Variants in NARS2 observed in about 807,000 individuals in gnomAD.
NARS2 encodes asparaginyl-tRNA synthetase 2, mitochondrial.
In NARS2, 60 loss-of-function variants were observed where a neutral mutation model predicts 62.9. That is an observed-to-expected ratio of 0.95 (90% confidence interval 0.77 to 1.18). The LOEUF is 1.18. Ranked by LOEUF, NARS2 falls within the 50% of genes most tolerant of loss-of-function variation. The pLI, the probability that NARS2 is intolerant of heterozygous loss-of-function variation, is 0.00. For missense variants in NARS2, 619 were observed against 576.4 expected (o/e 1.07, Z -0.76); for synonymous variants, 196 against 200.0 (o/e 0.98, Z 0.17).
chr11:78,502,312 G>A lies in NARS2; in HGVS notation c.690-9117C>T, dbSNP rs117883617. On this transcript the variant is annotated intron_variant, in intron 6 of 13. Coordinates refer to ENST00000281038, the MANE Select transcript of NARS2 (RefSeq NM_024678.6). Reference sequence around the variant, plus strand: ...AAAGTGACAGCAGGGTTGGTTTCTGGTGAAGCCTCTCTTTCTGGTTTGCTG... The same window carrying A: ...AAAGTGACAGCAGGGTTGGTTTCTGATGAAGCCTCTCTTTCTGGTTTGCTG... Among the ~76,000 whole-genome samples, 1,049 of 152,308 alleles carry A rather than the reference G, an allele frequency of 6.9e-3. 6 individuals are homozygous for A. Among genetic ancestry groups the A allele is most frequent in the Admixed American group, 0.01 (155 of 15,308 alleles).
intron 6 of NARS2, among the ~76,000 whole-genome samples, chr11:78,515,433 T>C (rs1267288131): frequency 6.6e-6 from 1 of 152,202 alleles, no homozygotes; most frequent in Non-Finnish European, 1.5e-5. Flanking sequence ...TTGGAGTTTC[T>C]TTTTGGAGTG....
chr11:78,483,564 C>T (rs1859447710), intron 7 of NARS2, among the ~76,000 whole-genome samples: 1 of 152,084 alleles, frequency 6.6e-6, no homozygotes. Flanking sequence ...AATCAATGTG[C>T]AAAAATCACA....
intron 6 of NARS2, among the ~76,000 whole-genome samples, chr11:78,519,761 C>CACGA (rs760180216): frequency 5.3e-5 from 8 of 150,990 alleles, no homozygotes; most frequent in Admixed American, 1.3e-4. Context: ...AGTGCAGTGG[C>CACGA]ACGATCTCAG....
rs571283850 is a variant in NARS2, at chr11:78,467,121, T to C, written c.1027-1108A>G. ...ACAAAGGTTAACATTATCTTATTAC[T>C]ACCACTTGTTTGGCAGTATCTTAGT... On this transcript the variant is annotated intron_variant, in intron 10 of 13. Transcript: ENST00000281038. Among the ~76,000 whole-genome samples the C allele has an allele frequency of 1.8e-3, 281 of 152,342 alleles. 1 individual carries two copies. The highest frequency in any genetic ancestry group is 6.5e-3 in the African/African-American group (270 of 41,586).
chr11:78,556,173 G>A (rs903407266), intron 5 of NARS2, among the ~76,000 whole-genome samples: 1 of 152,042 alleles, frequency 6.6e-6, no homozygotes, highest in African/African-American at 2.4e-5. Flanking sequence ...TTAATTATCT[G>A]ATTCTTCTTA....
chr11:78,532,815 T>C (rs1565263506), intron 5 of NARS2, among the ~76,000 whole-genome samples: 1 of 152,306 alleles, frequency 6.6e-6, no homozygotes, highest in African/African-American at 2.4e-5. Context: ...TAAATATATC[T>C]TTCCTGAAAA....
chr11:78,574,863 A>G lies in NARS2; in HGVS notation c.-375T>C. 4.7e-6 allele frequency: 1 copy of G among 210,904 alleles called. No individual in the cohort carries two copies. Among genetic ancestry groups the G allele is most frequent in the South Asian group, 7.9e-5 (1 of 12,726 alleles). 13.1% of individuals were successfully genotyped at this position (210,904 alleles called of 1,614,324 possible). Reference sequence around the variant, plus strand: ...CCAACGCCGCTTACGTCATCACGCTACGGGGAAGAAGGGAGAGCATGCGTA... The same window carrying G: ...CCAACGCCGCTTACGTCATCACGCTGCGGGGAAGAAGGGAGAGCATGCGTA... On this transcript the variant is annotated 5_prime_UTR_variant, in exon 1 of 14. Coordinates refer to ENST00000281038, the MANE Select transcript of NARS2 (RefSeq NM_024678.6).
chr11:78,557,230 A>G (rs1590861588), intron 5 of NARS2, among the ~76,000 whole-genome samples: 1 of 152,356 alleles, frequency 6.6e-6, no homozygotes, highest in Middle Eastern at 3.4e-3. Context: ...CTTTAAATGC[A>G]GTACTTAATG....
intron 7 of NARS2, among the ~76,000 whole-genome samples, chr11:78,486,009 G>A (rs1723129306): frequency 6.6e-6 from 1 of 151,976 alleles, no homozygotes; most frequent in South Asian, 2.1e-4. Flanking sequence ...CAAGTAGCTC[G>A]GATTACAGGC....
intron 5 of NARS2, among the ~76,000 whole-genome samples, chr11:78,530,470 T>G (rs765305954): frequency 1.3e-5 from 2 of 152,120 alleles, no homozygotes; most frequent in Non-Finnish European, 1.5e-5. Flanking sequence ...GTCTTAATAA[T>G]AAGATTTATT....
chr11:78,481,528 T>G (rs752992068), intron 7 of NARS2, among the ~76,000 whole-genome samples: 16 of 152,148 alleles, frequency 1.1e-4, no homozygotes, highest in Non-Finnish European at 1.5e-4. Flanking sequence ...ACTGGGGTTG[T>G]TAAATCATTG....
intron 9 of NARS2, among the ~76,000 whole-genome samples, chr11:78,471,588 G>C (rs1343637540): frequency 2.0e-5 from 3 of 151,422 alleles, no homozygotes; most frequent in Non-Finnish European, 4.4e-5. Context: ...CATTGTGCAG[G>C]TTAGTTACAT....
At chr11:78,537,081 T>C (rs1590829043) in intron 5 of NARS2, among the ~76,000 whole-genome samples, 1 of 152,314 alleles carries the variant, frequency 6.6e-6, no homozygotes, top group Admixed American at 6.5e-5. Context: ...TGGTAGGCTA[T>C]ACCATCTCGG....
chr11:78,538,609 A>G (rs1855468810), intron 5 of NARS2, among the ~76,000 whole-genome samples: 1 of 152,172 alleles, frequency 6.6e-6, no homozygotes, highest in African/African-American at 2.4e-5. Flanking sequence ...AACAGCCAGT[A>G]GAGAGATCAG....
At chr11:78,502,030 T>C (rs1011270481) in intron 6 of NARS2, among the ~76,000 whole-genome samples, 1 of 152,122 alleles carries the variant, frequency 6.6e-6, no homozygotes. Context: ...TGCTATAACA[T>C]GGATGGAAAC....
chr11:78,550,517 T>C (rs1050251939), intron 5 of NARS2, among the ~76,000 whole-genome samples: 4 of 152,220 alleles, frequency 2.6e-5, no homozygotes, highest in African/African-American at 7.2e-5. Flanking sequence ...TGTAATTTTG[T>C]CTTTTGATAG....
At chr11:78,567,822 A>G (rs974326282) in intron 3 of NARS2, among the ~76,000 whole-genome samples, 2 of 152,238 alleles carry the variant, frequency 1.3e-5, no homozygotes, top group African/African-American at 4.8e-5. Flanking sequence ...AAATATTTGA[A>G]GACAGGTGTA....
At chr11:78,494,030 C>T (rs112266726) in intron 6 of NARS2, among the ~76,000 whole-genome samples, 6 of 152,334 alleles carry the variant, frequency 3.9e-5, no homozygotes, top group African/African-American at 7.2e-5. Flanking sequence ...AAGTCCTTGA[C>T]GACCACCTGT....
chr11:78,443,326 CAAA>C (rs11409113), intron 12 of NARS2, among the ~76,000 whole-genome samples: 4 of 82,962 alleles, frequency 4.8e-5, no homozygotes, highest in African/African-American at 1.1e-4. Context: ...GACTCCGTCT[CAAA>C]AAAAAAAAAA....
Sources: gnomAD v4.1 joint callset for allele counts (sites outside exome capture counted in the v4.1 genomes callset) on GRCh38, gnomAD v4.1.1 for gene constraint, MANE v1.5 for transcripts, NCBI Gene and HGNC (gene_info 2026-07-23, HGNC 2026-07-21) for gene names.